The following AGBL3 variants were observed in gnomAD, a reference collection of about 807,000 sequenced individuals.
AGBL3 encodes AGBL carboxypeptidase 3, also known as cytosolic carboxypeptidase 3.
A neutral mutation model predicts 94.5 loss-of-function variants in AGBL3; 68 were observed. That is an observed-to-expected ratio of 0.72 (90% CI 0.59 to 0.88). AGBL3 has a LOEUF of 0.88. Among genes scored for constraint, AGBL3 ranks in the 40% least tolerant of loss-of-function variants. The probability of loss-of-function intolerance (pLI) is 0.00; values close to 1 mark genes in which losing one functional copy is unlikely to be tolerated. For missense variants in AGBL3, 934 were observed against 1,103.8 expected, an observed-to-expected ratio of 0.85 and a Z score of 2.18; for synonymous variants, 354 against 370.7, an observed-to-expected ratio of 0.95 and a Z score of 0.52.
intron 15 of AGBL3, among the ~76,000 whole-genome samples, chr7:135,091,041 A>G (rs1821785279): frequency 6.6e-6 from 1 of 152,122 alleles, no homozygotes; most frequent in Non-Finnish European, 1.5e-5. Context: ...CAGGGACCTC[A>G]GTGGTGAAGT....
chr7:135,064,527 A>G (rs1819113443), intron 12 of AGBL3, among the ~76,000 whole-genome samples: 1 of 152,234 alleles, frequency 6.6e-6, no homozygotes, highest in Admixed American at 6.5e-5. Context: ...TAACCCAGGC[A>G]AGATAAAAGT....
At chr7:135,083,954 T>C (rs1038741080) in intron 15 of AGBL3, among the ~76,000 whole-genome samples, 2 of 151,982 alleles carry the variant, frequency 1.3e-5, no homozygotes, top group African/African-American at 2.4e-5. Context: ...AGACCACACT[T>C]TGCAAGTTAC....
chr7:135,072,460 C>G (rs764490594), intron 12 of AGBL3, among the ~76,000 whole-genome samples: 1 of 152,160 alleles, frequency 6.6e-6, no homozygotes, highest in Non-Finnish European at 1.5e-5. Context: ...AAGACACATG[C>G]ACATGTATGT....
intron 12 of AGBL3, among the ~76,000 whole-genome samples, chr7:135,068,063 C>T (rs1157822123): frequency 5.3e-5 from 8 of 152,200 alleles, no homozygotes; most frequent in African/African-American, 1.7e-4. Flanking sequence ...AGCTGAAAAC[C>T]ATGGCACAAG....
intron 15 of AGBL3, among the ~76,000 whole-genome samples, chr7:135,103,942 G>A (rs1334370174): frequency 6.6e-6 from 1 of 151,508 alleles, no homozygotes; most frequent in Non-Finnish European, 1.5e-5. Context: ...TTGAAGTTTG[G>A]GGTACATGTG....
At chr7:135,127,644 G>T (rs10258877) in intron 16 of AGBL3, among the ~76,000 whole-genome samples, 2 of 151,840 alleles carry the variant, frequency 1.3e-5, no homozygotes, top group Non-Finnish European at 2.9e-5. Context: ...ACATCAGTCA[G>T]AATGGCAATT....
At chr7:135,130,077 T>C (rs1376388851) in intron 16 of AGBL3, among the ~76,000 whole-genome samples, 14 of 152,200 alleles carry the variant, frequency 9.2e-5, no homozygotes, top group Admixed American at 9.2e-4. Flanking sequence ...AGACATTCTG[T>C]TGGAGTTCCC....
chr7:135,033,876 T>C (rs1816030375), intron 6 of AGBL3, among the ~76,000 whole-genome samples: 1 of 152,182 alleles, frequency 6.6e-6, no homozygotes, highest in African/African-American at 2.4e-5. Context: ...TTGAAATATA[T>C]AAACTTTTAT....
chr7:135,090,537 G>C (rs935728734), intron 15 of AGBL3, among the ~76,000 whole-genome samples: 3 of 152,164 alleles, frequency 2.0e-5, no homozygotes, highest in Non-Finnish European at 4.4e-5. Flanking sequence ...CTACAGCTCA[G>C]GGCTGGGGGC....
intron 15 of AGBL3, chr7:135,101,311 T>C (rs1823798259): frequency 2.2e-6 from 1 of 454,342 alleles, no homozygotes; most frequent in Non-Finnish European, 4.4e-6. Context: ...AAGATTTTCA[T>C]GCATACAAAG....
chr7:135,018,230 T>C (rs1233708455), intron 5 of AGBL3, among the ~76,000 whole-genome samples: 3 of 152,124 alleles, frequency 2.0e-5, no homozygotes, highest in African/African-American at 7.2e-5. Flanking sequence ...CCTTTAGGTA[T>C]AGGAGAGGGC....
chr7:135,105,701 CT>C (rs749312319), intron 15 of AGBL3, among the ~76,000 whole-genome samples: 2 of 152,040 alleles, frequency 1.3e-5, no homozygotes, highest in African/African-American at 2.4e-5. Context: ...TTAGGATTGC[CT>C]TTGCTATTTG....
chr7:134,987,937 T>A lies in AGBL3; in HGVS notation c.4T>A (p.Ser2Thr), dbSNP rs1462191162. 6.5e-7 allele frequency: 1 copy of A among 1,547,972 alleles called. No individual in the cohort carries two copies. Among genetic ancestry groups the A allele is most frequent in the Non-Finnish European group, 8.7e-7 (1 of 1,145,530 alleles). Residue 2 changes from serine to threonine, a missense_variant, in exon 2 of 17, where the codon TCA becomes ACA. Around this residue, in one of 3 missense-constraint regions of AGBL3, gnomAD observed 488 missense variants for 563.6 expected, o/e 0.87. Transcript: ENST00000436302. M[S>T]EDSEKEDYSD... is the part of the protein sequence containing the mutation. ...CTCAAGTCAAACACTGGAAAAGATG[T>A]CAGAAGATTCAGAAAAGGAAGACTA...
chr7:135,021,367 C>T (rs1410081868), intron 5 of AGBL3, among the ~76,000 whole-genome samples: 1 of 151,514 alleles, frequency 6.6e-6, no homozygotes, highest in African/African-American at 2.4e-5. Flanking sequence ...TCTCGGCTCA[C>T]TGCAAGCTCC....
At chr7:135,125,633 C>T (rs187575518) in intron 16 of AGBL3, among the ~76,000 whole-genome samples, 4 of 152,046 alleles carry the variant, frequency 2.6e-5, no homozygotes, top group South Asian at 2.1e-4. Context: ...AACATCAATA[C>T]GAAAATCCTC....
intron 12 of AGBL3, among the ~76,000 whole-genome samples, chr7:135,070,227 T>C (rs1819758464): frequency 6.6e-6 from 1 of 152,156 alleles, no homozygotes; most frequent in Non-Finnish European, 1.5e-5. Flanking sequence ...ATGGAGGCAA[T>C]AATTAATAGC....
At chr7:135,118,843 T>A (rs1163893954) in intron 16 of AGBL3, among the ~76,000 whole-genome samples, 4 of 152,172 alleles carry the variant, frequency 2.6e-5, no homozygotes, top group Admixed American at 2.0e-4. Context: ...CAAATAGAAA[T>A]TTTTGAATTG....
intron 5 of AGBL3, among the ~76,000 whole-genome samples, chr7:135,023,745 T>C (rs570855452): frequency 4.0e-4 from 61 of 152,326 alleles, no homozygotes; most frequent in Middle Eastern, 6.8e-3. Context: ...ATGTCTGTTC[T>C]TCAGGCCCTC....
chr7:134,997,556 A>G (rs993566940), intron 4 of AGBL3, among the ~76,000 whole-genome samples: 1 of 152,176 alleles, frequency 6.6e-6, no homozygotes, highest in Non-Finnish European at 1.5e-5. Flanking sequence ...CACATGGCTG[A>G]CCTTAGTTAC....
Sources: gnomAD v4.1 joint callset for allele counts (sites outside exome capture counted in the v4.1 genomes callset) on GRCh38, gnomAD v4.1.1 for gene constraint, gnomAD v4.1.1 regional missense constraint, MANE v1.5 for transcripts, NCBI Gene and HGNC (gene_info 2026-07-23, HGNC 2026-07-21) for gene names.